Variants in NSG2 observed in about 807,000 individuals in gnomAD.
NSG2 encodes neuronal vesicle trafficking-associated protein 2.
Under a neutral mutation model 16.9 loss-of-function variants are expected in NSG2, and 4 were observed. The ratio of observed to expected loss-of-function variants is 0.24; its 90% CI spans 0.12 to 0.54. The LOEUF (loss-of-function observed/expected upper bound fraction) is 0.54, where lower values mean the gene tolerates loss of function less well. NSG2 is among the 20% of genes least tolerant of loss of function. The pLI, the probability that NSG2 is intolerant of heterozygous loss-of-function variation, is 0.95. For synonymous variants in NSG2, 98 were observed against 88.7 expected, an observed-to-expected ratio of 1.11 and a Z score of -0.59; for missense variants, 179 against 221.1, an observed-to-expected ratio of 0.81 and a Z score of 1.21.
At position 174,096,286 on chromosome 5, in the gene NSG2, C is replaced by T. The variant is rs74418698; in HGVS notation, c.214-7942C>T. On this transcript the variant is annotated intron_variant, in intron 3 of 4. Coordinates refer to ENST00000303177, the MANE Select transcript of NSG2 (RefSeq NM_015980.5). ...GTCTTGAAGAGCTGTGATCAGACAGCGTAGCGGCTCAACATTGCCTGAGGA... is the reference window on the plus strand; with the variant it reads ...GTCTTGAAGAGCTGTGATCAGACAGTGTAGCGGCTCAACATTGCCTGAGGA... 9.5e-3 allele frequency among the ~76,000 whole-genome samples: 1,444 copies of T among 152,242 alleles called. 22 individuals carry two copies. Among genetic ancestry groups the T allele is most frequent in the African/African-American group, 0.028 (1,183 of 41,530 alleles).
intron 3 of NSG2, among the ~76,000 whole-genome samples, chr5:174,090,264 G>A (rs1025952085): frequency 1.4e-4 from 21 of 152,140 alleles, no homozygotes; most frequent in African/African-American, 4.6e-4. Context: ...AGGCAACGTC[G>A]AGGGGAAACC....
intron 2 of NSG2, among the ~76,000 whole-genome samples, chr5:174,063,781 C>A (rs2113434290): frequency 6.6e-6 from 1 of 152,100 alleles, no homozygotes; most frequent in South Asian, 2.1e-4. Flanking sequence ...AAACGTGTAA[C>A]AATTAAAGTT....
chr5:174,075,287 C>T (rs1194264282), intron 3 of NSG2, among the ~76,000 whole-genome samples: 1 of 152,116 alleles, frequency 6.6e-6, no homozygotes, highest in South Asian at 2.1e-4. Flanking sequence ...GGGGCAGAGT[C>T]GGGGTTTTCT....
intron 3 of NSG2, among the ~76,000 whole-genome samples, chr5:174,103,515 A>C (rs1760932426): frequency 6.6e-6 from 1 of 152,188 alleles, no homozygotes; most frequent in Non-Finnish European, 1.5e-5. Flanking sequence ...TTGATGTCCG[A>C]GGTTGCAATG....
At chr5:174,062,873 G>C (rs1176236070) in intron 2 of NSG2, among the ~76,000 whole-genome samples, 2 of 152,206 alleles carry the variant, frequency 1.3e-5, no homozygotes, top group Non-Finnish European at 2.9e-5. Flanking sequence ...ACGCTTGACT[G>C]TTGTCTCCAG....
chr5:174,065,322 C>T (rs1028483651), intron 3 of NSG2, among the ~76,000 whole-genome samples: 2 of 147,252 alleles, frequency 1.4e-5, no homozygotes, highest in African/African-American at 2.5e-5. Context: ...AGCAAGACTC[C>T]GTCTCAAAAA....
At chr5:174,102,601 T>C (rs1325602261) in intron 3 of NSG2, among the ~76,000 whole-genome samples, 1 of 151,198 alleles carries the variant, frequency 6.6e-6, no homozygotes, top group Admixed American at 6.6e-5. Flanking sequence ...AACCAATTAC[T>C]GGTTTCAGAT....
chr5:174,107,484 G>A lies in NSG2; in HGVS notation c.495G>A (p.Pro165=), dbSNP rs763191901. 3.7e-6 allele frequency: 6 copies of A among 1,609,646 alleles called. No individual in the cohort carries two copies. The highest frequency in any genetic ancestry group is 4.5e-5 in the East Asian group (2 of 44,758). Residue 165 remains proline (P), a synonymous_variant, in exon 5 of 5, where the codon CCG becomes CCA. Coordinates refer to ENST00000303177, the MANE Select transcript of NSG2 (RefSeq NM_015980.5). The surrounding 1 kb of genome is among the most constrained non-coding windows in gnomAD (Gnocchi z 4.5). ...SAAAVIHEPK[P]PKTQGH is the part of the protein sequence containing the mutation. Reference sequence around the variant, plus strand: ...CCGCTGTCATCCATGAGCCCAAGCCGCCCAAGACCCAGGGCCACTAGAGGC... The same window carrying A: ...CCGCTGTCATCCATGAGCCCAAGCCACCCAAGACCCAGGGCCACTAGAGGC...
intron 3 of NSG2, among the ~76,000 whole-genome samples, chr5:174,101,199 A>T (rs1382933048): frequency 6.6e-6 from 1 of 152,210 alleles, no homozygotes; most frequent in Non-Finnish European, 1.5e-5. Flanking sequence ...CCTTTAACAG[A>T]AAGGGTCACC....
intron 2 of NSG2, among the ~76,000 whole-genome samples, chr5:174,053,135 G>A (rs1326544177): frequency 6.6e-6 from 1 of 152,130 alleles, no homozygotes; most frequent in Non-Finnish European, 1.5e-5. Context: ...GTAGCTTTAG[G>A]CACATTGCTT....
intron 2 of NSG2, among the ~76,000 whole-genome samples, chr5:174,050,203 A>G (rs1759866410): frequency 6.6e-6 from 1 of 152,216 alleles, no homozygotes; most frequent in East Asian, 1.9e-4. Flanking sequence ...GGTTATCACA[A>G]AGAAGGATAT....
chr5:174,074,798 A>G (rs536074814), intron 3 of NSG2, among the ~76,000 whole-genome samples: 3 of 151,774 alleles, frequency 2.0e-5, no homozygotes, highest in East Asian at 3.9e-4. Flanking sequence ...CTCTGCCTCC[A>G]TTGCCATCCA....
Position 174,107,237 on chromosome 5 carries a change from G to A in NSG2, c.325-77G>A, listed in dbSNP as rs973718854. ...GACAGCCCGATGCAGCTGCACTCCA[G>A]TCAGGGTGGCTGTGTTGCTGGGCAG... On this transcript the variant is annotated intron_variant, in intron 4 of 4. Coordinates refer to ENST00000303177, the MANE Select transcript of NSG2 (RefSeq NM_015980.5). This position sits in a 1 kb window ranked among gnomAD's most constrained non-coding sequence, Gnocchi z 4.5. 7.4e-7 allele frequency: 1 copy of A among 1,344,148 alleles called. No homozygotes were observed. The highest frequency in any genetic ancestry group is 1.5e-5 in the African/African-American group (1 of 68,132). The allele number at this position is 1,344,148 out of a possible 1,614,324, so 83.3% of individuals were successfully genotyped here. A position where few individuals can be genotyped will look rare whatever the true frequency, so the allele number is the denominator to read the frequency against.
chr5:174,054,967 A>G (rs907303498), intron 2 of NSG2, among the ~76,000 whole-genome samples: 1 of 152,246 alleles, frequency 6.6e-6, no homozygotes, highest in Admixed American at 6.5e-5. Flanking sequence ...AATACATAGC[A>G]AATGTTTATC....
intron 3 of NSG2, among the ~76,000 whole-genome samples, chr5:174,064,988 A>G (rs992521773): frequency 1.4e-4 from 21 of 152,228 alleles, no homozygotes; most frequent in Admixed American, 4.6e-4. Context: ...GAAGGAGGCT[A>G]GCCCCAACCC....
chr5:174,083,103 T>C (rs1269458313), intron 3 of NSG2, among the ~76,000 whole-genome samples: 4 of 152,198 alleles, frequency 2.6e-5, no homozygotes, highest in Non-Finnish European at 5.9e-5. Context: ...ATCCCCCTTT[T>C]ACTCTCTCCT....
At chr5:174,087,111 T>C (rs1301595454) in intron 3 of NSG2, among the ~76,000 whole-genome samples, 1 of 152,232 alleles carries the variant, frequency 6.6e-6, no homozygotes, top group East Asian at 1.9e-4. Context: ...TTCATTTTCC[T>C]TTTACTTTCA....
chr5:174,079,849 G>A (rs565144434), intron 3 of NSG2, among the ~76,000 whole-genome samples: 1 of 152,266 alleles, frequency 6.6e-6, no homozygotes, highest in East Asian at 1.9e-4. Flanking sequence ...AAGGCATGAG[G>A]GAAAATATTG....
At chr5:174,071,900 A>G (rs1228740741) in intron 3 of NSG2, among the ~76,000 whole-genome samples, 3 of 152,124 alleles carry the variant, frequency 2.0e-5, no homozygotes, top group Non-Finnish European at 2.9e-5. Flanking sequence ...TGCTGAGCTC[A>G]CTTACCTGCC....
Sources: allele counts gnomAD v4.1 joint callset (sites outside exome capture counted in the v4.1 genomes callset), GRCh38; gene constraint gnomAD v4.1.1; non-coding constraint Gnocchi (gnomAD v3.1); transcripts MANE v1.5; gene names NCBI Gene and HGNC (gene_info 2026-07-23, HGNC 2026-07-21).